The following ATAT1 variants were observed in gnomAD, a reference collection of about 807,000 sequenced individuals.
ATAT1 encodes alpha-tubulin N-acetyltransferase 1.
Under a neutral mutation model 57.2 loss-of-function variants are expected in ATAT1, and 42 were observed. That is an observed-to-expected ratio of 0.73 (90% CI 0.57 to 0.95). The LOEUF (loss-of-function observed/expected upper bound fraction) is 0.95. Ranked by LOEUF, ATAT1 falls within the 40% of genes least tolerant of loss-of-function variation. ATAT1 has a pLI of 0.00. For missense variants in ATAT1, 454 were observed against 523.7 expected (o/e 0.87, Z 1.30); for synonymous variants, 168 against 187.1 (o/e 0.90, Z 0.83).
chr6:30,627,811 A>G, intron 3 of ATAT1, 40 bp from the exon 4 acceptor site: 1 of 1,608,304 alleles, frequency 6.2e-7, no homozygotes, highest in Non-Finnish European at 8.5e-7. Flanking sequence ...TCTTGCAGAT[A>G]GATACCACTA....
chr6:30,643,279 C>G, intron 10 of ATAT1: 1 of 1,420,402 alleles, frequency 7.0e-7, no homozygotes, highest in African/African-American at 1.4e-5. Context: ...CGAGATCCAT[C>G]GAGTTGGGGG....
At chr6:30,641,323 G>A (rs1336903754) in intron 8 of ATAT1, among the ~76,000 whole-genome samples, 2 of 152,200 alleles carry the variant, frequency 1.3e-5, no homozygotes, top group Non-Finnish European at 2.9e-5. Context: ...GAGCATCACA[G>A]TGTCAGGCAC....
At chr6:30,628,484 GT>G in intron 6 of ATAT1, 54 bp downstream of exon 6, 1 of 1,422,058 alleles carries the variant, frequency 7.0e-7, no homozygotes, top group Non-Finnish European at 9.8e-7. Context: ...GAATTTATTT[GT>G]TATTTATGGC....
At chr6:30,645,763 T>C (rs2127560604) in intron 10 of ATAT1, 132 bp from the exon 11 acceptor site, 1 of 650,896 alleles carries the variant, frequency 1.5e-6, no homozygotes, top group African/African-American at 1.9e-5. Flanking sequence ...GATTAAAACC[T>C]GTTAGGAATG....
intron 6 of ATAT1, among the ~76,000 whole-genome samples, chr6:30,639,117 A>G (rs996303125): frequency 9.9e-5 from 15 of 152,130 alleles, no homozygotes; most frequent in African/African-American, 3.6e-4. Flanking sequence ...AGTAGCTAGG[A>G]TTACAGGTGC....
intron 10 of ATAT1, chr6:30,643,379 G>A: frequency 2.0e-6 from 3 of 1,464,134 alleles, no homozygotes; most frequent in Non-Finnish European, 2.7e-6. Context: ...CCACTGGCTT[G>A]TGTGCCAAGA....
chr6:30,646,612 T>C lies in ATAT1; in HGVS notation c.1199T>C (p.Leu400Pro). The C allele has an allele frequency of 1.3e-6, 2 of 1,573,030 alleles. No homozygotes were observed. The highest frequency in any genetic ancestry group is 1.7e-6 in the Non-Finnish European group (2 of 1,159,370). ...CTCAACGCCAGGTTCATTCGAAACC[T>C]GCAGGAACGTCGCAGCACCAGGCCT... Residue 400 changes from leucine (L) to proline (P), a missense_variant, in exon 13 of 13, where the codon CTG becomes CCG. Around this residue, in one of 3 missense-constraint regions of ATAT1, gnomAD observed 216 missense variants for 222.2 expected, o/e 0.97. Transcript: ENST00000330083.
At position 30,642,832 on chromosome 6, in the gene ATAT1, A is replaced by AGGGGGGGGGC; in HGVS notation, c.754_755insGGGGGGGGCG (p.Ala252GlyfsTer51). The AGGGGGGGGGC allele has an allele frequency of 1.3e-5, 16 of 1,230,720 alleles. No homozygotes were observed. The highest frequency in any genetic ancestry group is 1.6e-5 in the Non-Finnish European group (14 of 892,660). The allele number at this position is 1,230,720 out of a possible 1,614,324, so 76.2% of individuals were successfully genotyped here. On this transcript the variant is annotated frameshift_variant, in exon 10 of 13. Transcript: ENST00000330083. LOFTEE classifies it high-confidence loss of function. The stretch of plus-strand genomic sequence containing the variant: ...GGGCCCCTCGCCGCGCCACACCTCC[A>AGGGGGGGGGC]GCCCACCCACCCCCCCGCTCCAGCA...
intron 6 of ATAT1, among the ~76,000 whole-genome samples, chr6:30,636,916 A>C (rs1333848931): frequency 1.3e-5 from 2 of 151,836 alleles, no homozygotes; most frequent in Non-Finnish European, 2.9e-5. Flanking sequence ...AGTCCAAGCA[A>C]TTCTCTTGCC....
Position 30,627,036 on chromosome 6 carries a change from T to C in ATAT1, c.-168T>C. The C allele has an allele frequency of 6.4e-7, 1 of 1,552,286 alleles. No individual in the cohort carries two copies. Among genetic ancestry groups the C allele is most frequent in the African/African-American group, 1.4e-5 (1 of 73,516 alleles). On this transcript the variant is annotated 5_prime_UTR_variant, in exon 1 of 13. Transcript: ENST00000330083. ...CCTCTGGCCCTTTTCTCCCGGTTCC[T>C]CTCCAAACCTGGTCCAGGCACCACG...
chr6:30,642,832 A>AGGGCG lies in ATAT1; in HGVS notation c.754_755insGGCGG (p.Ala252GlyfsTer69). On this transcript the variant is annotated frameshift_variant, in exon 10 of 13. Transcript: ENST00000330083. LOFTEE classifies it high-confidence loss of function. ...GGGCCCCTCGCCGCGCCACACCTCC[A>AGGGCG]GCCCACCCACCCCCCCGCTCCAGCA... 3 of 1,230,740 alleles carry AGGGCG rather than the reference A, an allele frequency of 2.4e-6. No homozygotes were observed. Among genetic ancestry groups the AGGGCG allele is most frequent in the Non-Finnish European group, 1.1e-6 (1 of 892,682 alleles). The allele number at this position is 1,230,740 out of a possible 1,614,324, so 76.2% of individuals were successfully genotyped here. A position where few individuals can be genotyped will look rare whatever the true frequency, so the allele number is the denominator to read the frequency against.
At chr6:30,641,536 G>A (rs560722044) in intron 8 of ATAT1, among the ~76,000 whole-genome samples, 1 of 152,300 alleles carries the variant, frequency 6.6e-6, no homozygotes, top group Admixed American at 6.5e-5. Context: ...TCTCTTGAGA[G>A]GGAAAGCCGG....
chr6:30,640,759 G>A (rs1017964482), intron 8 of ATAT1, 156 bp downstream of exon 8: 1 of 762,180 alleles, frequency 1.3e-6, no homozygotes, highest in Non-Finnish European at 2.1e-6. Context: ...CCTCATGGGA[G>A]CTCAGTGCAT....
At chr6:30,634,710 T>G (rs1193576344) in intron 6 of ATAT1, among the ~76,000 whole-genome samples, 1 of 130,246 alleles carries the variant, frequency 7.7e-6, no homozygotes, top group Non-Finnish European at 1.6e-5. Context: ...AAAAAAAGCC[T>G]GGGCGCGGTG....
At chr6:30,643,277 A>G (rs538996795) in intron 10 of ATAT1, 1 of 1,422,936 alleles carries the variant, frequency 7.0e-7, no homozygotes, top group Admixed American at 2.9e-5. Context: ...ACCGAGATCC[A>G]TCGAGTTGGG....
At chr6:30,640,160 T>C (rs1765097842) in intron 6 of ATAT1, among the ~76,000 whole-genome samples, 1 of 151,826 alleles carries the variant, frequency 6.6e-6, no homozygotes, top group African/African-American at 2.4e-5. Context: ...AAAAATTGCC[T>C]ACAGCATTCA....
At chr6:30,641,934 T>G in intron 8 of ATAT1, 1 of 1,333,238 alleles carries the variant, frequency 7.5e-7, no homozygotes, top group Non-Finnish European at 9.6e-7. Flanking sequence ...AGTCTCCCCT[T>G]CGATCTTTCT....
chr6:30,642,833 G>GGGGGGGGCCCCCCCCCCCCCC lies in ATAT1; in HGVS notation c.754_755insGGGGGGGCCCCCCCCCCCCCC (p.Ala252delinsGlyGlyGlyProProProProPro). 3.9e-6 allele frequency: 6 copies of GGGGGGGGCCCCCCCCCCCCCC among 1,537,816 alleles called. No individual in the cohort carries two copies. The highest frequency in any genetic ancestry group is 1.9e-5 in the Admixed American group (1 of 52,404). ...GGCCCCTCGCCGCGCCACACCTCCAGCCCACCCACCCCCCCGCTCCAGCAG... is the reference window on the plus strand; with the variant it reads ...GGCCCCTCGCCGCGCCACACCTCCAGGGGGGGGCCCCCCCCCCCCCCCCCACCCACCCCCCCGCTCCAGCAG... On this transcript the variant is annotated protein_altering_variant, in exon 10 of 13. Transcript: ENST00000330083.
At position 30,644,316 on chromosome 6, in the gene ATAT1, C is replaced by A. The variant is rs149449487; in HGVS notation, c.932+1305C>A. On this transcript the variant is annotated intron_variant, in intron 10 of 12. Transcript: ENST00000330083. ...TCAAGGATCTGTTAGATCCTGGAATCCCTTCTTGCATCCATCCCTCCCTGG... is the reference window on the plus strand; with the variant it reads ...TCAAGGATCTGTTAGATCCTGGAATACCTTCTTGCATCCATCCCTCCCTGG... 44 of 985,778 alleles carry A rather than the reference C, an allele frequency of 4.5e-5. No homozygotes were observed. The East Asian group carries it at 2.3e-3, about 51-fold the overall frequency. The allele number at this position is 985,778 out of a possible 1,614,324, so 61.1% of individuals were successfully genotyped here. A position where few individuals can be genotyped will look rare whatever the true frequency, so the allele number is the denominator to read the frequency against.
Sources: allele counts gnomAD v4.1 joint callset (sites outside exome capture counted in the v4.1 genomes callset), GRCh38; gene constraint gnomAD v4.1.1; regional missense constraint gnomAD v4.1.1; transcripts MANE v1.5; gene names NCBI Gene and HGNC (gene_info 2026-07-23, HGNC 2026-07-21).